RRAS2: variants seen among roughly 807,000 people sequenced by gnomAD.
The protein encoded by RRAS2 is RAS related 2, also known as ras-related protein R-Ras2.
RRAS2 carries 7 observed loss-of-function variants against 27.6 expected under a neutral mutation model. That is an observed-to-expected ratio of 0.25 (90% CI 0.14 to 0.48). The LOEUF (loss-of-function observed/expected upper bound fraction) is 0.48, where lower values mean the gene tolerates loss of function less well. RRAS2 is among the 20% of genes least tolerant of loss of function. The pLI, the probability that RRAS2 is intolerant of heterozygous loss-of-function variation, is 0.99. For missense variants in RRAS2, 178 were observed against 256.2 expected, an observed-to-expected ratio of 0.69 and a Z score of 2.08; for synonymous variants, 86 against 90.9, an observed-to-expected ratio of 0.95 and a Z score of 0.31.
intron 1 of RRAS2, among the ~76,000 whole-genome samples, chr11:14,350,447 C>T (rs1461318369): frequency 1.3e-5 from 2 of 152,178 alleles, no homozygotes; most frequent in Non-Finnish European, 2.9e-5. Flanking sequence ...CTGCACATGC[C>T]ACTCCCCTTC....
At chr11:14,325,455 C>G (rs1186824928) in intron 1 of RRAS2, among the ~76,000 whole-genome samples, 1 of 152,014 alleles carries the variant, frequency 6.6e-6, no homozygotes, top group African/African-American at 2.4e-5. Flanking sequence ...AGGCGCCTGC[C>G]ACGACGCCTG....
intron 4 of RRAS2, among the ~76,000 whole-genome samples, chr11:14,291,583 GC>G (rs1472653866): frequency 2.0e-5 from 3 of 151,904 alleles, no homozygotes; most frequent in Non-Finnish European, 4.4e-5. Context: ...ATAACTTACT[GC>G]AAGCTAACAC....
intron 1 of RRAS2, chr11:14,356,839 T>C: frequency 4.7e-6 from 2 of 426,638 alleles, no homozygotes; most frequent in South Asian, 1.7e-5. Flanking sequence ...TCTCGCTCTG[T>C]TGCCCAGGCA....
chr11:14,329,119 A>AT (rs1342868211), intron 1 of RRAS2, among the ~76,000 whole-genome samples: 9 of 149,420 alleles, frequency 6.0e-5, no homozygotes, highest in East Asian at 3.9e-4. Flanking sequence ...ATATATATAT[A>AT]TTTTTTTTGA....
chr11:14,317,449 G>A (rs1554949687), intron 1 of RRAS2, among the ~76,000 whole-genome samples: 1 of 152,042 alleles, frequency 6.6e-6, no homozygotes. Context: ...GTGTGGTGGT[G>A]GGTGCCTGTA....
chr11:14,281,203 C>A (rs999370602), intron 5 of RRAS2, among the ~76,000 whole-genome samples: 3 of 152,220 alleles, frequency 2.0e-5, no homozygotes, highest in African/African-American at 4.8e-5. Context: ...TATTTAACTT[C>A]TTTCTCTGTA....
Position 14,291,556 on chromosome 11 carries a change from TGGAAAAATAA to T in RRAS2, c.408+2905_408+2914del, listed in dbSNP as rs1849817226. On this transcript the variant is annotated intron_variant, in intron 4 of 5. Transcript: ENST00000256196. ...TTTATGTCTATTTATATGGTTTAGA[TGGAAAAATAA>T]ATAAAAATAACTTACTGCAAGCTAA... Among the ~76,000 whole-genome samples the T allele has an allele frequency of 5.3e-5, 8 of 152,248 alleles. No individual in the cohort carries two copies. In the South Asian group the frequency reaches 1.7e-3, roughly 32 times the overall value.
At chr11:14,293,679 G>A (rs782522181) in intron 4 of RRAS2, among the ~76,000 whole-genome samples, 8 of 152,108 alleles carry the variant, frequency 5.3e-5, no homozygotes, top group Non-Finnish European at 1.0e-4. Flanking sequence ...CGCCATGACT[G>A]TGAAGTCTCC....
chr11:14,342,740 GA>G (rs1403947524), intron 1 of RRAS2, among the ~76,000 whole-genome samples: 1 of 152,156 alleles, frequency 6.6e-6, no homozygotes, highest in Non-Finnish European at 1.5e-5. Context: ...TCATTATCTA[GA>G]TACTAGCTAC....
At chr11:14,299,311 T>C (rs1554947091) in intron 1 of RRAS2, among the ~76,000 whole-genome samples, 1 of 152,198 alleles carries the variant, frequency 6.6e-6, no homozygotes, top group East Asian at 1.9e-4. Flanking sequence ...CCAAACGTTG[T>C]GAATCAAGAC....
chr11:14,355,017 G>A (rs1332741281), intron 1 of RRAS2, among the ~76,000 whole-genome samples: 1 of 151,934 alleles, frequency 6.6e-6, no homozygotes, highest in African/African-American at 2.4e-5. Flanking sequence ...GCACGGTGCT[G>A]GATGATTTAC....
chr11:14,303,542 G>C (rs1282226108), intron 1 of RRAS2, among the ~76,000 whole-genome samples: 1 of 152,128 alleles, frequency 6.6e-6, no homozygotes, highest in African/African-American at 2.4e-5. Context: ...TTTGAGACCG[G>C]CCTCAGCGAC....
In RRAS2 at chr11:14,358,879, T is replaced by C. The variant is rs1554955865; in HGVS notation, c.-9A>G. ...CAGCCGGCCGCGGCCATGGGGACGC[T>C]ACAGAGCCCAGCCTGACTGCGCCGA... On this transcript the variant is annotated 5_prime_UTR_variant, in exon 1 of 6. Coordinates refer to ENST00000256196, the MANE Select transcript of RRAS2 (RefSeq NM_012250.6). The surrounding 1 kb of genome is among the most constrained non-coding windows in gnomAD (Gnocchi z 5.1). 2.1e-6 allele frequency: 3 copies of C among 1,442,640 alleles called. No individual in the cohort carries two copies. Among genetic ancestry groups the C allele is most frequent in the East Asian group, 3.1e-5 (1 of 31,784 alleles). The allele number at this position is 1,442,640 out of a possible 1,614,324, so 89.4% of individuals were successfully genotyped here. A position where few individuals can be genotyped will look rare whatever the true frequency, so the allele number is the denominator to read the frequency against.
At chr11:14,350,279 G>T (rs910212668) in intron 1 of RRAS2, among the ~76,000 whole-genome samples, 2 of 152,114 alleles carry the variant, frequency 1.3e-5, no homozygotes, top group Non-Finnish European at 1.5e-5. Flanking sequence ...TTAATGGGAG[G>T]TGTTTGGGTC....
chr11:14,359,808 A>G (rs1231301859), upstream of RRAS2, among the ~76,000 whole-genome samples: 4 of 152,184 alleles, frequency 2.6e-5, no homozygotes, highest in East Asian at 7.7e-4. Context: ...TCCTGGCCTC[A>G]AGCAATCCTC....
At chr11:14,302,345 T>A in intron 1 of RRAS2, among the ~76,000 whole-genome samples, 1 of 152,192 alleles carries the variant, frequency 6.6e-6, no homozygotes, top group Non-Finnish European at 1.5e-5. Context: ...TGAGATTTCA[T>A]TAACTTGCTT....
intron 5 of RRAS2, 63 bp downstream of exon 5, chr11:14,281,539 T>G: frequency 2.3e-6 from 3 of 1,307,130 alleles, no homozygotes; most frequent in Middle Eastern, 1.9e-4. Context: ...ATATAAAATA[T>G]CCTTACTAAA....
intron 1 of RRAS2, among the ~76,000 whole-genome samples, chr11:14,322,264 C>A (rs938869207): frequency 1.4e-5 from 2 of 144,538 alleles, no homozygotes; most frequent in Non-Finnish European, 1.5e-5. Flanking sequence ...AACCCCATCT[C>A]TACCAAAAAT....
Position 14,294,816 on chromosome 11 carries a change from C to T in RRAS2, c.243G>A (p.Gln81=). Residue 81 remains glutamine (Q), a synonymous_variant, in exon 3 of 6, where the codon CAG becomes CAA. Transcript: ENST00000256196. The stretch of plus-strand genomic sequence containing the variant: ...GGAAGCCTTCGCCAGTCCTCATATA[C>T]TGTTCTCTCATGGCTCCAAACTCTT... ...GQEEFGAMRE[Q]YMRTGEGFLL... The T allele has an allele frequency of 6.2e-7, 1 of 1,613,840 alleles. No homozygotes were observed. Among genetic ancestry groups the T allele is most frequent in the Middle Eastern group, 1.7e-4 (1 of 5,944 alleles).
Sources: gnomAD v4.1 joint callset for allele counts (sites outside exome capture counted in the v4.1 genomes callset) on GRCh38, gnomAD v4.1.1 for gene constraint, Gnocchi (gnomAD v3.1) non-coding constraint, MANE v1.5 for transcripts, NCBI Gene and HGNC (gene_info 2026-07-23, HGNC 2026-07-21) for gene names.